The following SLAMF1 variants were observed in gnomAD, a reference collection of about 807,000 sequenced individuals.
The protein encoded by SLAMF1 is signaling lymphocytic activation molecule family member 1, also known as signaling lymphocytic activation molecule.
In SLAMF1, 18 loss-of-function variants were observed where a neutral mutation model predicts 35.1. The ratio of observed to expected loss-of-function variants is 0.51; its 90% CI spans 0.35 to 0.76. The LOEUF (loss-of-function observed/expected upper bound fraction) is 0.76. Ranked by LOEUF, SLAMF1 falls within the 30% of genes least tolerant of loss-of-function variation. The probability of loss-of-function intolerance (pLI) is 0.01; values close to 1 mark genes in which losing one functional copy is unlikely to be tolerated. For synonymous variants in SLAMF1, 168 were observed against 157.2 expected (o/e 1.07, Z -0.51); for missense variants, 392 against 413.0 (o/e 0.95, Z 0.44).
At position 160,646,911 on chromosome 1, in the gene SLAMF1, A is replaced by T. The variant is rs756269476; in HGVS notation, c.35T>A (p.Val12Glu). 1 of 1,608,978 alleles carries T rather than the reference A, an allele frequency of 6.2e-7. No individual in the cohort carries two copies. Among genetic ancestry groups the T allele is most frequent in the Non-Finnish European group, 8.5e-7 (1 of 1,175,808 alleles). Residue 12 changes from valine to glutamate, a missense_variant, in exon 1 of 7, where the codon GTG becomes GAG. Coordinates refer to ENST00000302035, the MANE Select transcript of SLAMF1 (RefSeq NM_003037.5). ...CCCAAAAGCCAGGGAGAGAAACAGCACGAAGGTCAAGGAGAGGAGCCCCTT... is the reference window on the plus strand; with the variant it reads ...CCCAAAAGCCAGGGAGAGAAACAGCTCGAAGGTCAAGGAGAGGAGCCCCTT... ...DPKGLLSLTF[V>E]LFLSLAFGAS... is the part of the protein sequence containing the mutation.
Position 160,622,846 on chromosome 1 carries a change from G to A in SLAMF1, c.790+1250C>T, listed in dbSNP as rs141519543. Among the ~76,000 whole-genome samples the A allele has an allele frequency of 3.0e-3, 462 of 152,342 alleles. 3 individuals carry two copies. The highest frequency in any genetic ancestry group is 0.01 in the African/African-American group (427 of 41,574). On this transcript the variant is annotated intron_variant, in intron 4 of 6. Transcript: ENST00000302035. Reference sequence around the variant, plus strand: ...TGCCAAAGAGTCATGAAATTGAAAAGCCTTCAGCGTCAGGCTGCATTCTGA... The same window carrying A: ...TGCCAAAGAGTCATGAAATTGAAAAACCTTCAGCGTCAGGCTGCATTCTGA...
rs1384243683 is a variant in SLAMF1, at chr1:160,637,361, T to C, written c.245A>G (p.Asp82Gly). 1.2e-6 allele frequency: 2 copies of C among 1,614,062 alleles called. No homozygotes were observed. The highest frequency in any genetic ancestry group is 2.7e-5 in the African/African-American group (2 of 74,930). ...ACGTGGAGGGCCTGCTTCGGATGGA[T>C]CAAGAGACACTATTTTGTTCTCGAC... ...NSVENKIVSL[D>G]PSEAGPPRYL... The change falls in exon 2 of 7, where the codon GAT becomes GGT. Residue 82 changes from aspartate (D) to glycine (G), a missense_variant. Physicochemically the swap from Asp to Gly is moderately conservative, Grantham distance 94. Coordinates refer to ENST00000302035, the MANE Select transcript of SLAMF1 (RefSeq NM_003037.5).
intron 5 of SLAMF1, among the ~76,000 whole-genome samples, chr1:160,616,112 C>A (rs1659286214): frequency 6.6e-6 from 1 of 152,120 alleles, no homozygotes; most frequent in Non-Finnish European, 1.5e-5. Context: ...TATCAAAACC[C>A]CACTGGTTGG....
chr1:160,615,807 G>A, intron 5 of SLAMF1: 1 of 259,258 alleles, frequency 3.9e-6, no homozygotes, highest in Non-Finnish European at 7.9e-6. Flanking sequence ...CAGAGAGGGA[G>A]GTCATGTGAA....
chr1:160,614,427 AG>A (rs1312011173), intron 5 of SLAMF1, among the ~76,000 whole-genome samples: 2 of 152,170 alleles, frequency 1.3e-5, no homozygotes, highest in Non-Finnish European at 2.9e-5. Flanking sequence ...TACAAAAATT[AG>A]CCAGGAATGA....
rs1658910452 is a variant in SLAMF1, at chr1:160,610,277, T to G, written c.*471A>C. On this transcript the variant is annotated 3_prime_UTR_variant, in exon 7 of 7. Transcript: ENST00000302035. The stretch of plus-strand genomic sequence containing the variant: ...GAGAAACTGAGGCACAGAGGCTTGA[T>G]CAGGTCTGCAGGTTATCATGATCAG... 1 of 456,844 alleles carries G rather than the reference T, an allele frequency of 2.2e-6. No homozygotes were observed. The highest frequency in any genetic ancestry group is 4.4e-6 in the Non-Finnish European group (1 of 227,042). 28.3% of individuals were successfully genotyped at this position (456,844 alleles called of 1,614,324 possible). A position where few individuals can be genotyped will look rare whatever the true frequency, so the allele number is the denominator to read the frequency against.
intron 3 of SLAMF1, among the ~76,000 whole-genome samples, chr1:160,625,688 TA>T (rs201035932): frequency 0.012 from 1,772 of 149,588 alleles, 13 homozygotes; most frequent in East Asian, 0.027. Context: ...ATGCTCTGAT[TA>T]AAAAAAAAAG....
chr1:160,614,637 G>T (rs1350514344), intron 5 of SLAMF1, among the ~76,000 whole-genome samples: 1 of 151,542 alleles, frequency 6.6e-6, no homozygotes, highest in Non-Finnish European at 1.5e-5. Flanking sequence ...TGGTCTTCCT[G>T]TTTGGGAGAA....
In SLAMF1 at chr1:160,634,690, A is replaced by G; in HGVS notation, c.623T>C (p.Ile208Thr). The G allele has an allele frequency of 6.2e-7, 1 of 1,614,026 alleles. No homozygotes were observed. The highest frequency in any genetic ancestry group is 8.5e-7 in the Non-Finnish European group (1 of 1,180,004). The change falls in exon 3 of 7, where the codon ATC (isoleucine) becomes ACC (threonine). Residue 208 changes from isoleucine to threonine, a missense_variant. Transcript: ENST00000302035. ...GCTGATAGGGTTGCTCACGGTGCAG[A>G]TGTAGATATTGTCAGCATGCTGGGG... ...LGPQHADNIY[I>T]CTVSNPISNN...
At chr1:160,619,727 T>A in intron 5 of SLAMF1, 49 bp downstream of exon 5, 1 of 1,182,804 alleles carries the variant, frequency 8.5e-7, no homozygotes, top group Non-Finnish European at 1.3e-6. Flanking sequence ...TGGCCAGGAA[T>A]ACTCTAGGAA....
intron 6 of SLAMF1, among the ~76,000 whole-genome samples, chr1:160,611,675 C>T (rs967489194): frequency 5.9e-5 from 9 of 152,214 alleles, no homozygotes; most frequent in Non-Finnish European, 7.3e-5. Context: ...CCGAAGTAAA[C>T]TTAGTCCCTG....
At chr1:160,643,249 A>G (rs893809626) in intron 1 of SLAMF1, among the ~76,000 whole-genome samples, 7 of 152,152 alleles carry the variant, frequency 4.6e-5, no homozygotes, top group Admixed American at 3.3e-4. Context: ...CAGGAGCCAG[A>G]TAGTCCGTTA....
chr1:160,612,630 C>T, intron 5 of SLAMF1, 50 bp from the exon 6 acceptor site: 1 of 1,089,954 alleles, frequency 9.2e-7, no homozygotes. Flanking sequence ...AGAGCTAGTT[C>T]TCACCCAACT....
rs369309452 is a variant in SLAMF1 at position 160,644,293 on chromosome 1, C to CATTG, written c.76+2573_76+2576dup. On this transcript the variant is annotated intron_variant, in intron 1 of 6. Coordinates refer to ENST00000302035, the MANE Select transcript of SLAMF1 (RefSeq NM_003037.5). ...AAACATAGGCTTGTCCAGTTTTACTCATTGAGGCCTCTGGAGTCAGGCAGC... is the reference window on the plus strand; with the variant it reads ...AAACATAGGCTTGTCCAGTTTTACTCATTGATTGAGGCCTCTGGAGTCAGGCAGC... 3.1e-3 allele frequency among the ~76,000 whole-genome samples: 473 copies of CATTG among 152,326 alleles called. 1 individual carries two copies. Among genetic ancestry groups the CATTG allele is most frequent in the African/African-American group, 0.01 (427 of 41,566 alleles).
At chr1:160,622,584 A>G (rs66938465) in intron 4 of SLAMF1, among the ~76,000 whole-genome samples, 17,114 of 152,076 alleles carry the variant, frequency 0.11, 1,262 homozygotes, top group Non-Finnish European at 0.16. Context: ...CTATCTGTCT[A>G]TGTATCTATC....
intron 1 of SLAMF1, among the ~76,000 whole-genome samples, chr1:160,643,709 C>G (rs1048914981): frequency 1.3e-5 from 2 of 152,160 alleles, no homozygotes; most frequent in Admixed American, 1.3e-4. Flanking sequence ...AAGATCAAAT[C>G]GGGTTAATTG....
At position 160,622,531 on chromosome 1, in the gene SLAMF1, T is replaced by C. The variant is rs537839262; in HGVS notation, c.790+1565A>G. 7.9e-4 allele frequency among the ~76,000 whole-genome samples: 120 copies of C among 152,224 alleles called. 6 individuals carry two copies. The South Asian group carries it at 0.025, about 31-fold the overall frequency. On this transcript the variant is annotated intron_variant, in intron 4 of 6. Coordinates refer to ENST00000302035, the MANE Select transcript of SLAMF1 (RefSeq NM_003037.5). ...GCCATAGCACTTACACATTGCCATT[T>C]TAATTCATCTACACTAAGAGATCTG...
chr1:160,627,672 T>C (rs2102312363), intron 3 of SLAMF1, among the ~76,000 whole-genome samples: 1 of 152,346 alleles, frequency 6.6e-6, no homozygotes, highest in East Asian at 1.9e-4. Context: ...AGTGCTACTA[T>C]TACAGTTTGT....
intron 1 of SLAMF1, among the ~76,000 whole-genome samples, chr1:160,639,950 C>G (rs909594263): frequency 2.6e-5 from 4 of 152,082 alleles, no homozygotes; most frequent in African/African-American, 9.7e-5. Context: ...CTGTTCCTCT[C>G]TCTGAAGAAT....
Sources: allele counts gnomAD v4.1 joint callset (sites outside exome capture counted in the v4.1 genomes callset), GRCh38; gene constraint gnomAD v4.1.1; transcripts MANE v1.5; gene names NCBI Gene and HGNC (gene_info 2026-07-23, HGNC 2026-07-21).